The following RERE variants were observed in gnomAD, a reference collection of about 807,000 sequenced individuals.
RERE encodes arginine-glutamic acid dipeptide repeats protein.
In RERE, 40 loss-of-function variants were observed where a neutral mutation model predicts 146.1. The observed-to-expected ratio is 0.27, with a 90% CI of 0.21 to 0.36. The LOEUF is 0.36. Ranked by LOEUF, RERE falls within the 10% of genes least tolerant of loss-of-function variation. The pLI is 1.00. For missense variants in RERE, 1,933 were observed against 2,138.7 expected (o/e 0.90, Z 1.90); for synonymous variants, 1,003 against 866.0 (o/e 1.16, Z -2.78).
intron 6 of RERE, among the ~76,000 whole-genome samples, chr1:8,542,721 G>A (rs1258605104): frequency 6.6e-6 from 1 of 152,120 alleles, no homozygotes; most frequent in Non-Finnish European, 1.5e-5. Flanking sequence ...GCCCAGGCTG[G>A]TCTCAAACTC....
At chr1:8,495,307 C>T (rs1024775674) in intron 9 of RERE, 145 bp from the exon 10 acceptor site, 3 of 529,756 alleles carry the variant, frequency 5.7e-6, no homozygotes, top group East Asian at 6.5e-5. Flanking sequence ...TCTGCCTCTG[C>T]TCCTATTTTT....
Position 8,358,889 on chromosome 1 carries a change from G to A in RERE, c.3646C>T (p.Arg1216Cys), listed in dbSNP as rs772325482. ...CCACTGAGCTGTGGGTCACTGAGGC[G>A]ACCTTCATGCGCTGAGCTGGACGCC... ...AKASSSAHEG[R>C]LSDPQLSGPG... is the part of the protein sequence containing the mutation. Residue 1216 changes from arginine (R) to cysteine (C), a missense_variant, in exon 20 of 23, where the codon CGC becomes TGC. Physicochemically the swap from Arg to Cys is radical, Grantham distance 180. This residue lies in a region of RERE where 1,255 missense variants were observed against 1,153.8 expected (regional missense o/e 1.09). Coordinates refer to ENST00000400908, the MANE Select transcript of RERE (RefSeq NM_001042681.2). 45 of 1,560,364 alleles carry A rather than the reference G, an allele frequency of 2.9e-5. No homozygotes were observed. The highest frequency in any genetic ancestry group is 6.0e-5 in the South Asian group (5 of 83,814).
At chr1:8,711,345 G>A (rs377118381) in intron 1 of RERE, among the ~76,000 whole-genome samples, 1 of 152,096 alleles carries the variant, frequency 6.6e-6, no homozygotes, top group Admixed American at 6.6e-5. Flanking sequence ...TCAATCGAAG[G>A]TCAGGCCTGG....
intron 1 of RERE, among the ~76,000 whole-genome samples, chr1:8,741,532 A>G (rs1051683940): frequency 6.6e-6 from 1 of 152,216 alleles, no homozygotes; most frequent in Non-Finnish European, 1.5e-5. Context: ...CGTGATGGTC[A>G]GTGAGTTCTC....
intron 4 of RERE, among the ~76,000 whole-genome samples, chr1:8,604,939 T>C (rs1368428752): frequency 1.3e-5 from 2 of 152,324 alleles, no homozygotes; most frequent in South Asian, 2.1e-4. Flanking sequence ...TTGAGGTTTA[T>C]CTTACTGAAG....
rs186286095 is a variant in RERE at position 8,383,716 on chromosome 1, G to C, written c.1285-17742C>G. Among the ~76,000 whole-genome samples the C allele has an allele frequency of 1.3e-3, 204 of 152,028 alleles. 1 individual carries two copies. Among genetic ancestry groups the C allele is most frequent in the African/African-American group, 4.7e-3 (197 of 41,478 alleles). Reference sequence around the variant, plus strand: ...TCTACTAAAAATACAAAAATTAGCCGGGTGTGGTGGCACGCACCTGTACTC... The same window carrying C: ...TCTACTAAAAATACAAAAATTAGCCCGGTGTGGTGGCACGCACCTGTACTC... On this transcript the variant is annotated intron_variant, in intron 12 of 22. Transcript: ENST00000400908.
At chr1:8,699,968 G>T (rs1280431119) in intron 1 of RERE, among the ~76,000 whole-genome samples, 1 of 152,146 alleles carries the variant, frequency 6.6e-6, no homozygotes, top group East Asian at 1.9e-4. Flanking sequence ...GTCATAAACA[G>T]ATTTCAATCA....
At chr1:8,630,011 T>C (rs78538835) in intron 2 of RERE, among the ~76,000 whole-genome samples, 2,315 of 152,288 alleles carry the variant, frequency 0.015, 61 homozygotes, top group African/African-American at 0.053. Context: ...TTCTGCTTTC[T>C]GTTTCTCCTC....
At chr1:8,583,898 TATA>T (rs1646397155) in intron 4 of RERE, among the ~76,000 whole-genome samples, 1 of 151,890 alleles carries the variant, frequency 6.6e-6, no homozygotes, top group South Asian at 2.1e-4. Flanking sequence ...ACAAACCTCA[TATA>T]ATGTTACTAT....
At chr1:8,676,336 A>C (rs1355012801) in intron 1 of RERE, among the ~76,000 whole-genome samples, 1 of 152,204 alleles carries the variant, frequency 6.6e-6, no homozygotes, top group East Asian at 1.9e-4. Flanking sequence ...AAAGTAATCC[A>C]AAAAAGCCCA....
intron 11 of RERE, among the ~76,000 whole-genome samples, chr1:8,446,420 T>G (rs1043519646): frequency 2.0e-5 from 3 of 152,234 alleles, no homozygotes; most frequent in Non-Finnish European, 4.4e-5. Flanking sequence ...TAACATTTTT[T>G]CTTTCATTTC....
At chr1:8,600,086 C>A (rs552132131) in intron 4 of RERE, among the ~76,000 whole-genome samples, 27 of 152,272 alleles carry the variant, frequency 1.8e-4, no homozygotes, top group African/African-American at 6.3e-4. Context: ...GAATACGTCT[C>A]ACAACATCTG....
intron 1 of RERE, chr1:8,750,737 G>C: frequency 1.3e-6 from 1 of 789,448 alleles, no homozygotes; most frequent in South Asian, 1.3e-5. Flanking sequence ...TGTGAGCCCA[G>C]AGGTCTGAAA....
At chr1:8,455,580 G>T (rs1644444824) in intron 11 of RERE, among the ~76,000 whole-genome samples, 1 of 152,172 alleles carries the variant, frequency 6.6e-6, no homozygotes, top group Non-Finnish European at 1.5e-5. Context: ...GAGAGGAAAA[G>T]AACAGGGACA....
At chr1:8,761,443 GT>G (rs1368981408) in intron 1 of RERE, among the ~76,000 whole-genome samples, 2 of 152,236 alleles carry the variant, frequency 1.3e-5, no homozygotes, top group East Asian at 3.9e-4. Flanking sequence ...CCTCAAATCA[GT>G]TTGTCCTCCT....
chr1:8,791,023 C>T (rs1484773468), intron 1 of RERE, among the ~76,000 whole-genome samples: 1 of 152,186 alleles, frequency 6.6e-6, no homozygotes, highest in South Asian at 2.1e-4. Context: ...ACTTATATAA[C>T]GTCTGAGAAA....
At chr1:8,416,351 C>T (rs184332203) in intron 12 of RERE, among the ~76,000 whole-genome samples, 1,641 of 152,136 alleles carry the variant, frequency 0.011, 38 homozygotes, top group African/African-American at 0.038. Flanking sequence ...TTTGGGAGGC[C>T]AAGGCGGGCG....
intron 12 of RERE, among the ~76,000 whole-genome samples, chr1:8,412,527 G>A (rs1643643187): frequency 6.6e-6 from 1 of 152,246 alleles, no homozygotes; most frequent in South Asian, 2.1e-4. Context: ...AAGTGTGTGT[G>A]TTCATGTGCA....
chr1:8,475,289 G>A (rs1219149416), intron 10 of RERE, among the ~76,000 whole-genome samples: 3 of 150,930 alleles, frequency 2.0e-5, no homozygotes, highest in Admixed American at 6.6e-5. Context: ...CAGGAGAATC[G>A]CTTAAACCTG....
Sources: gnomAD v4.1 joint callset for allele counts (sites outside exome capture counted in the v4.1 genomes callset) on GRCh38, gnomAD v4.1.1 for gene constraint, gnomAD v4.1.1 regional missense constraint, MANE v1.5 for transcripts, NCBI Gene and HGNC (gene_info 2026-07-23, HGNC 2026-07-21) for gene names.